GRK7: variants seen among roughly 807,000 people sequenced by gnomAD.
GRK7 encodes the protein G protein-coupled receptor kinase 7.
A neutral mutation model predicts 34.1 loss-of-function variants in GRK7; 24 were observed. The ratio of observed to expected loss-of-function variants is 0.70; its 90% confidence interval spans 0.51 to 0.99. The LOEUF (loss-of-function observed/expected upper bound fraction) is 0.99, where lower values mean the gene tolerates loss of function less well. Among genes scored for constraint, GRK7 ranks in the 50% least tolerant of loss-of-function variants. The pLI is 0.00. For synonymous variants in GRK7, 256 were observed against 279.4 expected (o/e 0.92, Z 0.84); for missense variants, 644 against 707.3 (o/e 0.91, Z 1.02).
chr3:141,796,761 C>A (rs1487743267), intron 4 of GRK7, among the ~76,000 whole-genome samples: 1 of 152,206 alleles, frequency 6.6e-6, no homozygotes, highest in Non-Finnish European at 1.5e-5. Flanking sequence ...CTGAAGAACA[C>A]GCTCAAGTGA....
the GRK7 span, among the ~76,000 whole-genome samples, chr3:141,752,530 T>A: frequency 4.6e-5 from 7 of 152,352 alleles, no homozygotes; most frequent in East Asian, 1.2e-3. Flanking sequence ...ATTTTGATAA[T>A]ATTTTGGGGA....
At chr3:141,787,624 CAA>C (rs36081874) in intron 4 of GRK7, among the ~76,000 whole-genome samples, 37 of 94,072 alleles carry the variant, frequency 3.9e-4, no homozygotes, top group South Asian at 7.7e-4. Context: ...GACTCTGCCT[CAA>C]AAAAAAAAAA....
chr3:141,787,624 C>CAAA (rs36081874), intron 4 of GRK7, among the ~76,000 whole-genome samples: 514 of 94,152 alleles, frequency 5.5e-3, no homozygotes, highest in African/African-American at 0.014. Context: ...GACTCTGCCT[C>CAAA]AAAAAAAAAA....
At chr3:141,815,248 T>C (rs1304684634) in intron 5 of GRK7, among the ~76,000 whole-genome samples, 1 of 151,738 alleles carries the variant, frequency 6.6e-6, no homozygotes, top group Non-Finnish European at 1.5e-5. Context: ...TGTTTGTTTG[T>C]TTGTTTGTTT....
intron 1 of GRK7, among the ~76,000 whole-genome samples, chr3:141,768,775 T>C (rs1056187871): frequency 1.3e-5 from 2 of 152,008 alleles, no homozygotes; most frequent in African/African-American, 2.4e-5. Flanking sequence ...GAGCCAGTGG[T>C]TTCCATCCAT....
At chr3:141,805,869 G>A (rs896609877) in intron 4 of GRK7, among the ~76,000 whole-genome samples, 6 of 152,090 alleles carry the variant, frequency 3.9e-5, no homozygotes, top group Non-Finnish European at 5.9e-5. Context: ...CTCGTCTATC[G>A]CACTACAGCC....
chr3:141,759,885 G>T (rs1340813708), upstream of GRK7, among the ~76,000 whole-genome samples: 1 of 69,386 alleles, frequency 1.4e-5, no homozygotes, highest in African/African-American at 5.9e-5. Context: ...TTAGTCTTGG[G>T]AGAGTGTATG....
chr3:141,810,278 C>A (rs936888022), intron 5 of GRK7, among the ~76,000 whole-genome samples: 1 of 151,316 alleles, frequency 6.6e-6, no homozygotes, highest in Non-Finnish European at 1.5e-5. Flanking sequence ...CTCTCTCCCC[C>A]CTCTTTTCTC....
upstream of GRK7, among the ~76,000 whole-genome samples, chr3:141,760,034 G>A (rs2084548311): frequency 7.7e-6 from 1 of 130,310 alleles, no homozygotes; most frequent in African/African-American, 2.9e-5. Context: ...GTGTCTATTT[G>A]ATTCTTCTCT....
chr3:141,759,257 GT>G (rs1216222287), upstream of GRK7, among the ~76,000 whole-genome samples: 5 of 137,074 alleles, frequency 3.6e-5, no homozygotes, highest in African/African-American at 1.3e-4. Context: ...AATGCTTCCA[GT>G]TTTTGCCCAT....
chr3:141,766,518 C>T (rs114570341), intron 1 of GRK7, among the ~76,000 whole-genome samples: 260 of 151,846 alleles, frequency 1.7e-3, no homozygotes, highest in African/African-American at 6.1e-3. Context: ...TTATTCGCCA[C>T]CAAATGTGAA....
chr3:141,777,134 C>A (rs985078560), intron 2 of GRK7, among the ~76,000 whole-genome samples: 1 of 151,996 alleles, frequency 6.6e-6, no homozygotes, highest in African/African-American at 2.4e-5. Flanking sequence ...AGAGTCTGCT[C>A]GTTAGATTGT....
At chr3:141,751,688 T>C in the GRK7 span, among the ~76,000 whole-genome samples, 1 of 152,246 alleles carries the variant, frequency 6.6e-6, no homozygotes, top group Non-Finnish European at 1.5e-5. Context: ...TAGATCTGTG[T>C]TGTCTAATAG....
At position 141,765,257 on chromosome 3, in the gene GRK7, A is replaced by C. The variant is rs560088639; in HGVS notation, c.-696A>C. 3.9e-5 allele frequency among the ~76,000 whole-genome samples: 6 copies of C among 152,246 alleles called. No homozygotes were observed. The highest frequency in any genetic ancestry group is 1.4e-4 in the African/African-American group (6 of 41,544). On this transcript the variant is annotated 5_prime_UTR_variant, in exon 1 of 6. Coordinates refer to ENST00000682958, the MANE Select transcript of GRK7 (RefSeq NM_139209.3). ...TGAGCCAGCTGTTCCTTCTCCCTGA[A>C]GTGCTCTACCCTCAGGCAGTCACAT...
At chr3:141,780,331 C>T (rs1193351924) in intron 3 of GRK7, 43 bp from the exon 4 acceptor site, 1 of 1,531,232 alleles carries the variant, frequency 6.5e-7, no homozygotes, top group African/African-American at 1.4e-5. Flanking sequence ...TCTGCAGTAC[C>T]ATCTACTTCT....
rs1711184648 is a variant in GRK7, at chr3:141,819,225, T to C, written c.*2175T>C. ...ACATTTAAAAACAACATTGGTTATT[T>C]GTTGATTATGCCTTAAAGCTGGCAG... On this transcript the variant is annotated 3_prime_UTR_variant, in exon 6 of 6. Coordinates refer to ENST00000682958, the MANE Select transcript of GRK7 (RefSeq NM_139209.3). Among the ~76,000 whole-genome samples, 1 of 152,210 alleles carries C rather than the reference T, an allele frequency of 6.6e-6. No homozygotes were observed. The highest frequency in any genetic ancestry group is 1.9e-4 in the East Asian group (1 of 5,200).
At chr3:141,770,437 C>CCACT (rs1182650700) in intron 1 of GRK7, among the ~76,000 whole-genome samples, 3 of 152,010 alleles carry the variant, frequency 2.0e-5, no homozygotes, top group Non-Finnish European at 4.4e-5. Flanking sequence ...ACCTAGTGAG[C>CCACT]CACTACACCT....
chr3:141,754,161 G>T, the GRK7 span, among the ~76,000 whole-genome samples: 1 of 152,168 alleles, frequency 6.6e-6, no homozygotes, highest in Admixed American at 6.6e-5. Flanking sequence ...ACAGATAAGG[G>T]TGTCACTGTC....
chr3:141,804,543 CAT>C (rs780524151), intron 4 of GRK7, among the ~76,000 whole-genome samples: 20 of 152,002 alleles, frequency 1.3e-4, no homozygotes, highest in Admixed American at 7.2e-4. Flanking sequence ...CACACACACA[CAT>C]ACACACACTC....
Sources: allele counts gnomAD v4.1 joint callset (sites outside exome capture counted in the v4.1 genomes callset), GRCh38; gene constraint gnomAD v4.1.1; transcripts MANE v1.5; gene names NCBI Gene and HGNC (gene_info 2026-07-23, HGNC 2026-07-21).